NFRKB: variants seen among roughly 807,000 people sequenced by gnomAD.
The protein encoded by NFRKB is nuclear factor related to kappaB binding protein.
A neutral mutation model predicts 135.7 loss-of-function variants in NFRKB; 62 were observed. The ratio of observed to expected loss-of-function variants is 0.46; its 90% CI spans 0.37 to 0.56. The LOEUF (loss-of-function observed/expected upper bound fraction) is 0.56. Ranked by LOEUF, NFRKB falls within the 20% of genes least tolerant of loss-of-function variation. The probability of loss-of-function intolerance (pLI) is 0.00; values close to 1 mark genes in which losing one functional copy is unlikely to be tolerated. For missense variants in NFRKB, 1,545 were observed against 1,662.0 expected (o/e 0.93, Z 1.22); for synonymous variants, 678 against 635.6 (o/e 1.07, Z -1.00).
intron 15 of NFRKB, among the ~76,000 whole-genome samples, chr11:129,877,764 C>A (rs554452537): frequency 2.7e-5 from 4 of 146,126 alleles, no homozygotes; most frequent in South Asian, 4.4e-4. Flanking sequence ...GGAAAGTACC[C>A]GGGGCTTGAG....
chr11:129,895,171 CA>C (rs1949717622), intron 1 of NFRKB, among the ~76,000 whole-genome samples: 1 of 152,228 alleles, frequency 6.6e-6, no homozygotes, highest in Non-Finnish European at 1.5e-5. Flanking sequence ...GGACCCTCCC[CA>C]ACGCAGAAGC....
intron 1 of NFRKB, among the ~76,000 whole-genome samples, 194 bp downstream of exon 1, chr11:129,895,302 G>A (rs959632848): frequency 1.3e-5 from 2 of 152,074 alleles, no homozygotes; most frequent in Non-Finnish European, 2.9e-5. Context: ...AGAACTGCAC[G>A]GCTCGGCCCC....
At position 129,892,855 on chromosome 11, in the gene NFRKB, C is replaced by G. The variant is rs1305395867; in HGVS notation, c.-6G>C. On this transcript the variant is annotated 5_prime_UTR_variant, in exon 3 of 27. Transcript: ENST00000682444. ...ATATGGTCTAAGGAATCCATTGTTTCTTCTCCACAGGTACTCTGGACAAAG... is the reference window on the plus strand; with the variant it reads ...ATATGGTCTAAGGAATCCATTGTTTGTTCTCCACAGGTACTCTGGACAAAG... 3 of 1,614,200 alleles carry G rather than the reference C, an allele frequency of 1.9e-6. No individual in the cohort carries two copies. The East Asian group carries it at 6.7e-5, about 36-fold the overall frequency.
chr11:129,893,389 CAAAAAAAAAA>C (rs375172554), intron 2 of NFRKB: 1 of 112,814 alleles, frequency 8.9e-6, no homozygotes, highest in Non-Finnish European at 1.6e-5. Flanking sequence ...CCCTTCTCTA[CAAAAAAAAAA>C]AAAAAAAAAA....
intron 24 of NFRKB, 129 bp downstream of exon 24, chr11:129,869,365 T>C: frequency 1.9e-6 from 2 of 1,035,688 alleles, no homozygotes; most frequent in East Asian, 2.6e-5. Flanking sequence ...GAGGTGCTTT[T>C]AGGGCCTCTA....
chr11:129,890,585 G>A (rs1032085845), intron 3 of NFRKB, among the ~76,000 whole-genome samples: 1 of 152,212 alleles, frequency 6.6e-6, no homozygotes, highest in Non-Finnish European at 1.5e-5. Context: ...TCTTAAAACT[G>A]GGTGATGCAT....
intron 13 of NFRKB, among the ~76,000 whole-genome samples, chr11:129,880,726 C>T (rs1160451187): frequency 6.6e-6 from 1 of 152,178 alleles, no homozygotes; most frequent in African/African-American, 2.4e-5. Flanking sequence ...TTAGGCCCTA[C>T]GAGAGGAGCA....
intron 25 of NFRKB, 29 bp from the exon 26 acceptor site, chr11:129,865,130 A>G: frequency 1.3e-6 from 2 of 1,596,470 alleles, no homozygotes; most frequent in Non-Finnish European, 1.7e-6. Context: ...GGTGAGATAT[A>G]ATGATATCGA....
At position 129,876,740 on chromosome 11, in the gene NFRKB, G is replaced by A. The variant is rs369136109; in HGVS notation, c.1728C>T (p.Tyr576=). 2.7e-5 allele frequency: 43 copies of A among 1,613,584 alleles called. No individual in the cohort carries two copies. Among genetic ancestry groups the A allele is most frequent in the African/African-American group, 1.2e-4 (9 of 75,022 alleles). Residue 576 remains tyrosine, a synonymous_variant, in exon 17 of 27, where the codon TAC becomes TAT. Transcript: ENST00000682444. ...HSLLRSDRPA[Y]VTILSLVRDA... The stretch of plus-strand genomic sequence containing the variant: ...ACCTACCAAGAGACAGAATGGTGAC[G>A]TAGGCAGGCCGGTCGGAGCGCAGCA...
intron 9 of NFRKB, 117 bp from the exon 10 acceptor site, chr11:129,882,748 A>G: frequency 9.2e-7 from 1 of 1,087,878 alleles, no homozygotes; most frequent in Non-Finnish European, 1.3e-6. Flanking sequence ...TCTCAGTAAT[A>G]AAACACTCAA....
intron 15 of NFRKB, among the ~76,000 whole-genome samples, chr11:129,878,039 G>C (rs1172449244): frequency 1.3e-5 from 2 of 152,110 alleles, no homozygotes; most frequent in Non-Finnish European, 2.9e-5. Context: ...AGCCCAGGGA[G>C]GAGTACACAT....
intron 7 of NFRKB, among the ~76,000 whole-genome samples, chr11:129,884,441 G>C (rs1222702274): frequency 6.6e-6 from 1 of 152,140 alleles, no homozygotes; most frequent in Non-Finnish European, 1.5e-5. Flanking sequence ...GCTTGGCTCT[G>C]GTTATTCCTT....
At chr11:129,872,288 G>A (rs1948548708) in intron 23 of NFRKB, among the ~76,000 whole-genome samples, 1 of 151,998 alleles carries the variant, frequency 6.6e-6, no homozygotes, top group Non-Finnish European at 1.5e-5. Flanking sequence ...CCAATACTTA[G>A]GACACTCTCT....
intron 22 of NFRKB, among the ~76,000 whole-genome samples, chr11:129,873,417 G>A (rs951842777): frequency 2.6e-5 from 4 of 152,200 alleles, no homozygotes; most frequent in African/African-American, 4.8e-5. Context: ...AGTTCATGGC[G>A]TAGCTAAGAC....
At chr11:129,884,232 T>C (rs1949165470) in intron 7 of NFRKB, 89 bp from the exon 8 acceptor site, 2 of 1,380,364 alleles carry the variant, frequency 1.4e-6, no homozygotes, top group African/African-American at 1.4e-5. Flanking sequence ...ATTTCTGAGT[T>C]TCCCTTCTGA....
intron 8 of NFRKB, among the ~76,000 whole-genome samples, chr11:129,883,425 G>A (rs935306488): frequency 2.6e-5 from 4 of 151,984 alleles, no homozygotes; most frequent in African/African-American, 4.8e-5. Context: ...TCTTTCTACC[G>A]TACAGCATTT....
At chr11:129,867,451 G>C (rs985270539) in intron 24 of NFRKB, among the ~76,000 whole-genome samples, 2 of 151,658 alleles carry the variant, frequency 1.3e-5, no homozygotes, top group African/African-American at 4.9e-5. Context: ...TGAGTAGCTG[G>C]GATTACTGGT....
chr11:129,870,489 G>A (rs897882248), intron 23 of NFRKB, among the ~76,000 whole-genome samples: 16 of 152,008 alleles, frequency 1.1e-4, no homozygotes, highest in African/African-American at 3.9e-4. Flanking sequence ...ACTGTGGTGG[G>A]GGAGGGAGGA....
At position 129,869,644 on chromosome 11, in the gene NFRKB, T is replaced by C; in HGVS notation, c.3381A>G (p.Ser1127=). ...VASGSGTVHT[S]AVSLPSMNAA... ...CATTCATACTGGGTAAGGACACCGC[T>C]GAAGTATGGACAGTTCCAGACCCAC... is the stretch of plus-strand genomic sequence containing the variant. The change falls in exon 24 of 27, where the codon TCA becomes TCG. Residue 1127 remains serine, a synonymous_variant. Transcript: ENST00000682444. The C allele has an allele frequency of 6.2e-7, 1 of 1,614,216 alleles. No individual in the cohort carries two copies. The highest frequency in any genetic ancestry group is 8.5e-7 in the Non-Finnish European group (1 of 1,180,036).
Sources: allele counts gnomAD v4.1 joint callset (sites outside exome capture counted in the v4.1 genomes callset), GRCh38; gene constraint gnomAD v4.1.1; transcripts MANE v1.5; gene names NCBI Gene and HGNC (gene_info 2026-07-23, HGNC 2026-07-21).